The following KLF12 variants were observed in gnomAD, a reference collection of about 807,000 sequenced individuals.
KLF12 encodes Krueppel-like factor 12.
A neutral mutation model predicts 37.8 loss-of-function variants in KLF12; 9 were observed. That is an observed-to-expected ratio of 0.24 (90% CI 0.14 to 0.42). The LOEUF is 0.42. Among genes scored for constraint, KLF12 ranks in the 10% least tolerant of loss-of-function variants. The pLI, the probability that KLF12 is intolerant of heterozygous loss-of-function variation, is 1.00. For synonymous variants in KLF12, 208 were observed against 202.1 expected (o/e 1.03, Z -0.25); for missense variants, 411 against 516.0 (o/e 0.80, Z 1.97).
At chr13:74,102,535 TA>T (rs1399154411) in intron 1 of KLF12, among the ~76,000 whole-genome samples, 1 of 151,752 alleles carries the variant, frequency 6.6e-6, no homozygotes, top group Non-Finnish European at 1.5e-5. Context: ...CTGTCTCTAC[TA>T]AAAATACAAA....
At chr13:74,071,610 G>A (rs961773886) in intron 1 of KLF12, among the ~76,000 whole-genome samples, 9 of 152,186 alleles carry the variant, frequency 5.9e-5, no homozygotes, top group East Asian at 3.9e-4. Flanking sequence ...GGAGAATGGC[G>A]TGAACTCGGG....
chr13:73,745,497 T>A (rs1205644641), intron 6 of KLF12, among the ~76,000 whole-genome samples: 1 of 152,184 alleles, frequency 6.6e-6, no homozygotes, highest in Non-Finnish European at 1.5e-5. Context: ...GTAATTATTA[T>A]CCTTAAAATA....
intron 1 of KLF12, among the ~76,000 whole-genome samples, chr13:74,112,568 T>C (rs140586191): frequency 1.3e-5 from 2 of 152,308 alleles, no homozygotes; most frequent in East Asian, 3.9e-4. Context: ...TCTGTATTGG[T>C]GACCTGTGAT....
At chr13:74,119,823 C>A (rs534598088) in intron 1 of KLF12, among the ~76,000 whole-genome samples, 1 of 151,808 alleles carries the variant, frequency 6.6e-6, no homozygotes, top group East Asian at 1.9e-4. Context: ...TTCTGAAAAA[C>A]TAAGAAAAAC....
chr13:74,002,408 T>A (rs2138316237), intron 1 of KLF12, among the ~76,000 whole-genome samples: 3 of 152,366 alleles, frequency 2.0e-5, no homozygotes, highest in South Asian at 2.1e-4. Flanking sequence ...AGGGTCTCAC[T>A]CTGTCATCCA....
intron 1 of KLF12, among the ~76,000 whole-genome samples, chr13:74,103,476 G>C (rs527465653): frequency 3.6e-4 from 55 of 152,262 alleles, no homozygotes; most frequent in African/African-American, 1.2e-3. Flanking sequence ...CAGCAGAGCG[G>C]GTCACAGGAG....
intron 1 of KLF12, among the ~76,000 whole-genome samples, chr13:74,026,978 G>A (rs1425757893): frequency 1.3e-5 from 2 of 152,136 alleles, no homozygotes; most frequent in Non-Finnish European, 2.9e-5. Context: ...AGGAAATGGT[G>A]CCACTGAAGT....
chr13:74,034,238 AT>A (rs113269877), intron 1 of KLF12, among the ~76,000 whole-genome samples: 23,783 of 148,354 alleles, frequency 0.16, 2,051 homozygotes, highest in African/African-American at 0.24. Flanking sequence ...AATTTTTTGT[AT>A]TTTTTTTTTA....
At chr13:74,157,456 A>G in the KLF12 span, among the ~76,000 whole-genome samples, 1 of 152,156 alleles carries the variant, frequency 6.6e-6, no homozygotes, top group Non-Finnish European at 1.5e-5. Context: ...AAAGCATGTT[A>G]CCCTAGACTT....
the KLF12 span, among the ~76,000 whole-genome samples, chr13:74,198,142 A>G: frequency 6.6e-6 from 1 of 152,118 alleles, no homozygotes; most frequent in Admixed American, 6.6e-5. Context: ...AACCTCAAGT[A>G]GAGAGAAAGC....
At chr13:73,998,773 T>C (rs903141675) in intron 1 of KLF12, among the ~76,000 whole-genome samples, 3 of 152,260 alleles carry the variant, frequency 2.0e-5, no homozygotes, top group Admixed American at 1.3e-4. Context: ...TATTTCTGTT[T>C]CATCTGTCAC....
rs1290648015 is a variant in KLF12 at position 73,986,108 on chromosome 13, C to T, written c.33+8882G>A. Among the ~76,000 whole-genome samples the T allele has an allele frequency of 4.6e-5, 7 of 152,116 alleles. No homozygotes were observed. In the East Asian group the frequency reaches 1.2e-3, roughly 25 times the overall value. ...AACTAGATTTCAGTTTTATCAGATA[C>T]GCTACAAATAACAACATTCAAAAAC... On this transcript the variant is annotated intron_variant, in intron 2 of 7. Transcript: ENST00000377669.
At chr13:73,853,994 G>T (rs779538086) in intron 3 of KLF12, among the ~76,000 whole-genome samples, 7 of 152,080 alleles carry the variant, frequency 4.6e-5, no homozygotes, top group African/African-American at 7.2e-5. Context: ...GGTCAAAAAC[G>T]GAAGCTGGAT....
chr13:73,832,022 A>T (rs1013265127), intron 4 of KLF12, among the ~76,000 whole-genome samples: 2 of 152,252 alleles, frequency 1.3e-5, no homozygotes, highest in African/African-American at 4.8e-5. Flanking sequence ...CACAAAGAAC[A>T]TAACAAATAT....
chr13:73,973,169 C>A (rs572112528), intron 2 of KLF12, among the ~76,000 whole-genome samples: 1 of 152,260 alleles, frequency 6.6e-6, no homozygotes, highest in East Asian at 1.9e-4. Context: ...TGCAGATGCA[C>A]CTGTGGGCAC....
At chr13:73,935,314 G>A (rs1055111904) in intron 3 of KLF12, among the ~76,000 whole-genome samples, 10 of 152,004 alleles carry the variant, frequency 6.6e-5, no homozygotes, top group Admixed American at 1.3e-4. Flanking sequence ...TTATTGCTAC[G>A]TATTCAGACA....
At chr13:73,854,529 T>C (rs760746135) in intron 3 of KLF12, among the ~76,000 whole-genome samples, 7 of 152,164 alleles carry the variant, frequency 4.6e-5, no homozygotes, top group Non-Finnish European at 8.8e-5. Context: ...AAAGCAAAAC[T>C]GTAACCTTTT....
chr13:73,828,075 T>G (rs1883949544), intron 4 of KLF12, among the ~76,000 whole-genome samples: 1 of 151,990 alleles, frequency 6.6e-6, no homozygotes, highest in Admixed American at 6.6e-5. Flanking sequence ...TGAATTTTGT[T>G]TTTTTTTAAT....
At position 73,695,435 on chromosome 13, in the gene KLF12, A is replaced by G; in HGVS notation, c.*55T>C. On this transcript the variant is annotated 3_prime_UTR_variant, in exon 8 of 8. Transcript: ENST00000377669. ...TGTGAAGGGGATTCAGCCCTGCTGAATTGGGTGCCGCTAAGAGATCCAGCT... is the reference window on the plus strand; with the variant it reads ...TGTGAAGGGGATTCAGCCCTGCTGAGTTGGGTGCCGCTAAGAGATCCAGCT... The G allele has an allele frequency of 6.4e-7, 1 of 1,565,420 alleles. No individual in the cohort carries two copies. The highest frequency in any genetic ancestry group is 8.8e-7 in the Non-Finnish European group (1 of 1,140,744).
Sources: allele counts gnomAD v4.1 joint callset (sites outside exome capture counted in the v4.1 genomes callset), GRCh38; gene constraint gnomAD v4.1.1; transcripts MANE v1.5; gene names NCBI Gene and HGNC (gene_info 2026-07-23, HGNC 2026-07-21).